The following PLCB1 variants were observed in gnomAD, a reference collection of about 807,000 sequenced individuals.
PLCB1 encodes phospholipase C beta 1.
In PLCB1, 46 loss-of-function variants were observed where a neutral mutation model predicts 161.8. That is an observed-to-expected ratio of 0.28 (90% CI 0.22 to 0.36). The LOEUF (loss-of-function observed/expected upper bound fraction) is 0.36, where lower values mean the gene tolerates loss of function less well. PLCB1 is among the 10% of genes least tolerant of loss of function. The probability of loss-of-function intolerance (pLI) is 1.00; values close to 1 mark genes in which losing one functional copy is unlikely to be tolerated. For synonymous variants in PLCB1, 517 were observed against 503.7 expected (o/e 1.03, Z -0.35); for missense variants, 1,016 against 1,472.5 (o/e 0.69, Z 5.07).
rs1568617091 is a variant in PLCB1 at position 8,831,958 on chromosome 20, CTTT to C, written c.3423+41698_3423+41700del. 8.8e-5 allele frequency among the ~76,000 whole-genome samples: 8 copies of C among 90,468 alleles called. 3 individuals are homozygous for C. The highest frequency in any genetic ancestry group is 1.3e-4 in the Non-Finnish European group (5 of 37,450). 59.4% of individuals were successfully genotyped at this position (90,468 alleles called of 152,430 possible). ...TCTTTCTTTCTTTCTTTCTTTCTTT[CTTT>C]CTTTCTTTCTTTCTTTCTTTCCTTC... On this transcript the variant is annotated intron_variant, in intron 31 of 31. Transcript: ENST00000338037.
intron 2 of PLCB1, among the ~76,000 whole-genome samples, chr20:8,170,252 A>G (rs985669282): frequency 1.4e-4 from 21 of 152,172 alleles, no homozygotes; most frequent in Non-Finnish European, 2.6e-4. Flanking sequence ...CTAGGAGAAA[A>G]TAGCAGGTAT....
At chr20:8,161,680 C>T (rs56326021) in intron 2 of PLCB1, among the ~76,000 whole-genome samples, 60,971 of 151,912 alleles carry the variant, frequency 0.4, 12,299 homozygotes, top group Middle Eastern at 0.45. Flanking sequence ...AGTTGGGCTG[C>T]ACAATGAAAT....
At chr20:8,348,455 G>T (rs1176955517) in intron 2 of PLCB1, among the ~76,000 whole-genome samples, 1 of 152,158 alleles carries the variant, frequency 6.6e-6, no homozygotes, top group African/African-American at 2.4e-5. Context: ...TTTCTTAAAG[G>T]TGGGGACATG....
At chr20:8,383,514 A>G (rs1987329020) in intron 3 of PLCB1, among the ~76,000 whole-genome samples, 1 of 152,156 alleles carries the variant, frequency 6.6e-6, no homozygotes. Context: ...TTTTAATTGT[A>G]ACATTTATCC....
At chr20:8,175,602 A>G (rs1001804147) in intron 2 of PLCB1, among the ~76,000 whole-genome samples, 3 of 152,326 alleles carry the variant, frequency 2.0e-5, no homozygotes, top group Middle Eastern at 3.4e-3. Flanking sequence ...TCTTTGGAAT[A>G]TGGATCTAGG....
chr20:8,170,135 A>G (rs971351649), intron 2 of PLCB1, among the ~76,000 whole-genome samples: 15 of 152,188 alleles, frequency 9.9e-5, no homozygotes, highest in Non-Finnish European at 1.9e-4. Flanking sequence ...TTGAGTGCCC[A>G]TGATGTGCTC....
At chr20:8,554,654 A>G (rs1985889782) in intron 3 of PLCB1, among the ~76,000 whole-genome samples, 1 of 152,144 alleles carries the variant, frequency 6.6e-6, no homozygotes. Flanking sequence ...GAAGTGTATT[A>G]TACCTTAGCC....
At chr20:8,439,462 G>T (rs1187375012) in intron 3 of PLCB1, among the ~76,000 whole-genome samples, 6 of 152,074 alleles carry the variant, frequency 3.9e-5, no homozygotes, top group Admixed American at 3.9e-4. Context: ...AAAAACTTAG[G>T]TACAGAAATA....
chr20:8,491,835 C>T (rs1252342595), intron 3 of PLCB1, among the ~76,000 whole-genome samples: 1 of 152,156 alleles, frequency 6.6e-6, no homozygotes, highest in African/African-American at 2.4e-5. Context: ...TAGGACTCAT[C>T]TCATTTGTTT....
chr20:8,149,499 A>G (rs1175020907), intron 1 of PLCB1, among the ~76,000 whole-genome samples: 1 of 152,158 alleles, frequency 6.6e-6, no homozygotes, highest in Non-Finnish European at 1.5e-5. Context: ...ATGACACACT[A>G]TGGTTATGTG....
At chr20:8,322,402 A>G (rs946135441) in intron 2 of PLCB1, among the ~76,000 whole-genome samples, 21 of 152,232 alleles carry the variant, frequency 1.4e-4, no homozygotes, top group African/African-American at 4.6e-4. Flanking sequence ...CCTGCAGTCC[A>G]AGATTATTTA....
chr20:8,232,888 C>A (rs2123187709), intron 2 of PLCB1, among the ~76,000 whole-genome samples: 1 of 152,284 alleles, frequency 6.6e-6, no homozygotes, highest in East Asian at 1.9e-4. Flanking sequence ...ACCCTTCTAG[C>A]AGCTGGCGCT....
At chr20:8,493,616 A>G (rs1983035352) in intron 3 of PLCB1, among the ~76,000 whole-genome samples, 1 of 150,474 alleles carries the variant, frequency 6.6e-6, no homozygotes, top group African/African-American at 2.4e-5. Context: ...GAATTTTGAG[A>G]GTGCTGTGTG....
At chr20:8,505,302 T>G (rs913798394) in intron 3 of PLCB1, among the ~76,000 whole-genome samples, 1 of 152,212 alleles carries the variant, frequency 6.6e-6, no homozygotes, top group African/African-American at 2.4e-5. Context: ...TCCTTTCTCA[T>G]TGAGTGGCGA....
intron 2 of PLCB1, among the ~76,000 whole-genome samples, chr20:8,233,096 G>A (rs943883102): frequency 6.6e-6 from 1 of 152,174 alleles, no homozygotes; most frequent in Non-Finnish European, 1.5e-5. Context: ...TGGATTGAGA[G>A]CATGACCACC....
chr20:8,618,772 T>A (rs1311807748), intron 3 of PLCB1, among the ~76,000 whole-genome samples: 1 of 152,176 alleles, frequency 6.6e-6, no homozygotes, highest in Admixed American at 6.6e-5. Context: ...ACGGGGCTTA[T>A]TTAAATGCAA....
intron 2 of PLCB1, among the ~76,000 whole-genome samples, chr20:8,324,722 A>T (rs894355191): frequency 6.6e-6 from 1 of 152,164 alleles, no homozygotes; most frequent in Non-Finnish European, 1.5e-5. Context: ...GCCAAGGGGC[A>T]TTTTCTCATT....
chr20:8,799,820 T>G (rs1346223284), intron 31 of PLCB1, among the ~76,000 whole-genome samples: 2 of 152,226 alleles, frequency 1.3e-5, no homozygotes, highest in African/African-American at 4.8e-5. Flanking sequence ...CTATGCATAT[T>G]CTCCCATGTA....
At chr20:8,187,011 C>A (rs2123101568) in intron 2 of PLCB1, among the ~76,000 whole-genome samples, 1 of 152,250 alleles carries the variant, frequency 6.6e-6, no homozygotes, top group Middle Eastern at 3.4e-3. Flanking sequence ...GCAGGCTGAG[C>A]ACCTTGGTCA....
Sources: gnomAD v4.1 joint callset for allele counts (sites outside exome capture counted in the v4.1 genomes callset) on GRCh38, gnomAD v4.1.1 for gene constraint, MANE v1.5 for transcripts, NCBI Gene and HGNC (gene_info 2026-07-23, HGNC 2026-07-21) for gene names.